Variants in AGBL1 observed in about 807,000 individuals in gnomAD.
AGBL1 encodes the protein cytosolic carboxypeptidase 4.
Under a neutral mutation model 118.9 loss-of-function variants are expected in AGBL1, and 130 were observed. That is an observed-to-expected ratio of 1.09 (90% confidence interval 0.95 to 1.26). The LOEUF is 1.26. Among genes scored for constraint, AGBL1 ranks in the 50% most tolerant of loss-of-function variants. The pLI is 0.00. For synonymous variants in AGBL1, 555 were observed against 478.9 expected (o/e 1.16, Z -2.08); for missense variants, 1,584 against 1,298.1 (o/e 1.22, Z -3.38).
chr15:86,470,861 GT>G (rs1265456322), intron 18 of AGBL1, among the ~76,000 whole-genome samples: 3 of 151,892 alleles, frequency 2.0e-5, no homozygotes, highest in African/African-American at 7.3e-5. Flanking sequence ...ACTGATTTTT[GT>G]GTGCTAATTA....
chr15:86,197,339 C>G (rs535935330), intron 5 of AGBL1, among the ~76,000 whole-genome samples: 1 of 152,254 alleles, frequency 6.6e-6, no homozygotes, highest in Non-Finnish European at 1.5e-5. Context: ...AGAATAAGTG[C>G]AGCGCGATGG....
rs575636549 is a variant in AGBL1, at chr15:86,752,130, G to A, written c.3158+77694G>A. 3.3e-5 allele frequency among the ~76,000 whole-genome samples: 5 copies of A among 152,150 alleles called. No individual in the cohort carries two copies. In the South Asian group the frequency reaches 8.3e-4, roughly 25 times the overall value. On this transcript the variant is annotated intron_variant, in intron 22 of 22. Coordinates refer to ENST00000614907, the MANE Select transcript of AGBL1 (RefSeq NM_001386094.1). ...TAGCAGGAGTTAATGTACCACAGGT[G>A]GACATTCTAGAACCTCTACTTATCT...
chr15:87,009,095 G>A (rs1231279209), intron 24 of AGBL1, among the ~76,000 whole-genome samples: 1 of 152,120 alleles, frequency 6.6e-6, no homozygotes, highest in African/African-American at 2.4e-5. Context: ...CCAAGACAAT[G>A]GGGGAAAATG....
At position 86,526,452 on chromosome 15, in the gene AGBL1, G is replaced by A. The variant is rs545867282; in HGVS notation, c.2685+3513G>A. ...GCAGCATAATTCATAATTGCCCAAA[G>A]ATATGGAATCAACCTAAGTCCCCAT... On this transcript the variant is annotated intron_variant, in intron 19 of 22. Transcript: ENST00000614907. Among the ~76,000 whole-genome samples, 2 of 150,450 alleles carry A rather than the reference G, an allele frequency of 1.3e-5. 1 individual carries two copies.
At chr15:86,449,073 G>A (rs1462180515) in intron 18 of AGBL1, among the ~76,000 whole-genome samples, 1 of 152,066 alleles carries the variant, frequency 6.6e-6, no homozygotes, top group Non-Finnish European at 1.5e-5. Flanking sequence ...CCCATAAAGA[G>A]TATATACCGA....
At chr15:86,737,960 C>G (rs2077625073) in intron 22 of AGBL1, among the ~76,000 whole-genome samples, 1 of 152,164 alleles carries the variant, frequency 6.6e-6, no homozygotes, top group Non-Finnish European at 1.5e-5. Context: ...CAACTAGTAT[C>G]TATCCCAGGG....
At chr15:86,643,700 ATTATT>A (rs1306427258) in intron 21 of AGBL1, among the ~76,000 whole-genome samples, 1 of 152,034 alleles carries the variant, frequency 6.6e-6, no homozygotes, top group Non-Finnish European at 1.5e-5. Context: ...ACTGCATTTT[ATTATT>A]TTCTCCTTTT....
intron 22 of AGBL1, among the ~76,000 whole-genome samples, chr15:86,722,365 C>G (rs895547857): frequency 6.6e-6 from 1 of 152,156 alleles, no homozygotes; most frequent in South Asian, 2.1e-4. Flanking sequence ...TATCTACAAC[C>G]ATCTGATCTT....
chr15:86,465,843 G>C (rs1024725501), intron 18 of AGBL1, among the ~76,000 whole-genome samples: 6 of 152,090 alleles, frequency 3.9e-5, no homozygotes, highest in Non-Finnish European at 7.4e-5. Flanking sequence ...TTTCACCCTG[G>C]CCTTGTGATC....
chr15:86,807,152 A>T (rs185019972), intron 22 of AGBL1, among the ~76,000 whole-genome samples: 32 of 152,276 alleles, frequency 2.1e-4, no homozygotes, highest in Admixed American at 1.4e-3. Context: ...AGATCTAAAT[A>T]AGATAGAACA....
intron 1 of AGBL1, 66 bp from the exon 2 acceptor site, chr15:86,141,938 C>T: frequency 6.9e-7 from 1 of 1,451,882 alleles, no homozygotes; most frequent in Non-Finnish European, 9.4e-7. Flanking sequence ...ATTCCATGTA[C>T]ATCCCTGATC....
intron 5 of AGBL1, among the ~76,000 whole-genome samples, chr15:86,214,660 A>G (rs547469681): frequency 4.6e-5 from 7 of 152,286 alleles, no homozygotes; most frequent in Non-Finnish European, 7.4e-5. Context: ...TTTCCTTCCC[A>G]GTGCTGGGGA....
intron 22 of AGBL1, among the ~76,000 whole-genome samples, chr15:86,806,939 A>C (rs1489491975): frequency 6.6e-6 from 1 of 152,056 alleles, no homozygotes; most frequent in Non-Finnish European, 1.5e-5. Flanking sequence ...TTTATTGGTG[A>C]CTACATCTGC....
chr15:86,767,392 G>A (rs2078110901), intron 22 of AGBL1, among the ~76,000 whole-genome samples: 1 of 151,684 alleles, frequency 6.6e-6, no homozygotes, highest in Admixed American at 6.6e-5. Flanking sequence ...TTCCCTCTTT[G>A]CTTGTTTGAA....
chr15:86,678,214 T>A (rs983140183), intron 22 of AGBL1, among the ~76,000 whole-genome samples: 1 of 152,172 alleles, frequency 6.6e-6, no homozygotes, highest in African/African-American at 2.4e-5. Flanking sequence ...GGCAATAAAT[T>A]ATTTGAACTT....
Position 86,388,422 on chromosome 15 carries a change from A to G in AGBL1, c.2375-8944A>G, listed in dbSNP as rs532736180. Among the ~76,000 whole-genome samples the G allele has an allele frequency of 2.0e-5, 3 of 152,306 alleles. No individual in the cohort carries two copies. The South Asian group carries it at 6.2e-4, about 32-fold the overall frequency. ...TAAAGCAGATTGAAACCATTGGGTAAAAAGTTTGATTTTCATCTACCCTGT... is the reference window on the plus strand; with the variant it reads ...TAAAGCAGATTGAAACCATTGGGTAGAAAGTTTGATTTTCATCTACCCTGT... On this transcript the variant is annotated intron_variant, in intron 17 of 22. Transcript: ENST00000614907.
chr15:86,665,938 G>C (rs2085636629), intron 21 of AGBL1, among the ~76,000 whole-genome samples: 1 of 152,052 alleles, frequency 6.6e-6, no homozygotes, highest in Non-Finnish European at 1.5e-5. Context: ...TGATCTGCCT[G>C]CCATGTTTTA....
chr15:86,223,992 T>C (rs2078319603), intron 5 of AGBL1, among the ~76,000 whole-genome samples: 1 of 152,074 alleles, frequency 6.6e-6, no homozygotes, highest in Non-Finnish European at 1.5e-5. Flanking sequence ...GGGATTGGGA[T>C]CCCAGCTCTG....
At chr15:86,847,217 T>C (rs2079332295) in intron 22 of AGBL1, among the ~76,000 whole-genome samples, 1 of 152,196 alleles carries the variant, frequency 6.6e-6, no homozygotes, top group Non-Finnish European at 1.5e-5. Flanking sequence ...ATGGCTACTT[T>C]GAAGTCTTTT....
Sources: gnomAD v4.1 joint callset for allele counts (sites outside exome capture counted in the v4.1 genomes callset) on GRCh38, gnomAD v4.1.1 for gene constraint, MANE v1.5 for transcripts, NCBI Gene and HGNC (gene_info 2026-07-23, HGNC 2026-07-21) for gene names.